The following SLC35F4 variants were observed in gnomAD, a reference collection of about 807,000 sequenced individuals.
SLC35F4 encodes the protein solute carrier family 35 member F4.
Under a neutral mutation model 44.2 loss-of-function variants are expected in SLC35F4, and 24 were observed. The ratio of observed to expected loss-of-function variants is 0.54; its 90% CI spans 0.39 to 0.76. SLC35F4 has a LOEUF of 0.76. Among genes scored for constraint, SLC35F4 ranks in the 30% least tolerant of loss-of-function variants. The probability of loss-of-function intolerance (pLI) is 0.00; values close to 1 mark genes in which losing one functional copy is unlikely to be tolerated. For missense variants in SLC35F4, 562 were observed against 586.1 expected (o/e 0.96, Z 0.42); for synonymous variants, 238 against 223.6 (o/e 1.06, Z -0.57).
At chr14:57,788,099 C>T (rs2077814179) in intron 1 of SLC35F4, among the ~76,000 whole-genome samples, 1 of 152,012 alleles carries the variant, frequency 6.6e-6, no homozygotes, top group South Asian at 2.1e-4. Context: ...CAAATGGACA[C>T]CAAAACAAGC....
rs548259703 is a variant in SLC35F4 at position 57,685,094 on chromosome 14, A to AT, written c.104-90971dup. 6.2e-3 allele frequency among the ~76,000 whole-genome samples: 949 copies of AT among 152,258 alleles called. 9 individuals are homozygous for AT. The highest frequency in any genetic ancestry group is 0.011 in the Non-Finnish European group (749 of 68,026). On this transcript the variant is annotated intron_variant, in intron 1 of 7. Coordinates refer to ENST00000556826, the MANE Select transcript of SLC35F4 (RefSeq NM_001306087.2). ...AGTATATAAATATAAATAAATCTATATTTTTTATCAATGCCAGAAGAAGCA... is the reference window on the plus strand; with the variant it reads ...AGTATATAAATATAAATAAATCTATATTTTTTTATCAATGCCAGAAGAAGCA...
chr14:57,959,548 T>C (rs1890304281), intron 1 of SLC35F4, among the ~76,000 whole-genome samples: 1 of 152,170 alleles, frequency 6.6e-6, no homozygotes, highest in South Asian at 2.1e-4. Context: ...CTAAAATGCA[T>C]GGCTGAATTC....
At chr14:57,793,123 C>T (rs894641346) in intron 1 of SLC35F4, among the ~76,000 whole-genome samples, 1 of 152,054 alleles carries the variant, frequency 6.6e-6, no homozygotes. Flanking sequence ...ACAAAACTTA[C>T]CAAATCCTGA....
intron 1 of SLC35F4, among the ~76,000 whole-genome samples, chr14:57,955,244 C>G (rs775221708): frequency 6.6e-6 from 1 of 152,100 alleles, no homozygotes; most frequent in Non-Finnish European, 1.5e-5. Flanking sequence ...ATTCAACACC[C>G]CTTCATGCTA....
rs138315030 is a variant in SLC35F4, at chr14:57,821,610, G to A, written c.103+44113C>T. 4.9e-4 allele frequency among the ~76,000 whole-genome samples: 75 copies of A among 152,338 alleles called. 1 individual carries two copies. The highest frequency in any genetic ancestry group is 8.4e-4 in the Non-Finnish European group (57 of 68,038). ...TTGTCCATTCAAGTAAAGTTTATCC[G>A]TGGACAACCATGAGCACCTCAAGTA... On this transcript the variant is annotated intron_variant, in intron 1 of 7. Coordinates refer to ENST00000556826, the MANE Select transcript of SLC35F4 (RefSeq NM_001306087.2).
intron 1 of SLC35F4, among the ~76,000 whole-genome samples, chr14:57,791,246 T>A (rs2140804494): frequency 1.3e-5 from 2 of 152,134 alleles, no homozygotes; most frequent in Admixed American, 1.3e-4. Flanking sequence ...CTGACAAAGG[T>A]CTAATATCCA....
chr14:57,795,021 C>T (rs2078021931), intron 1 of SLC35F4, among the ~76,000 whole-genome samples: 1 of 152,084 alleles, frequency 6.6e-6, no homozygotes. Flanking sequence ...TCTCTGGAAG[C>T]CAAATTTTCC....
At chr14:57,677,405 G>GA (rs956064881) in intron 1 of SLC35F4, among the ~76,000 whole-genome samples, 32 of 122,518 alleles carry the variant, frequency 2.6e-4, no homozygotes, top group South Asian at 1.1e-3. Flanking sequence ...CAAAACTATT[G>GA]AAAAAAAAAT....
intron 1 of SLC35F4, among the ~76,000 whole-genome samples, chr14:57,918,026 T>A (rs1255494493): frequency 6.6e-6 from 1 of 152,158 alleles, no homozygotes; most frequent in African/African-American, 2.4e-5. Context: ...TGTTTTTCTT[T>A]CCCCAGCAAG....
intron 1 of SLC35F4, among the ~76,000 whole-genome samples, chr14:57,632,369 C>T (rs2072821923): frequency 6.6e-6 from 1 of 151,014 alleles, no homozygotes; most frequent in Non-Finnish European, 1.5e-5. Context: ...ATAATAAAAA[C>T]AAAATGAAGG....
chr14:57,921,635 G>T (rs1001201853), intron 1 of SLC35F4, among the ~76,000 whole-genome samples: 2 of 152,124 alleles, frequency 1.3e-5, no homozygotes, highest in African/African-American at 2.4e-5. Flanking sequence ...GAGAGCTGAG[G>T]GAAGCATCTG....
At chr14:57,591,042 C>T (rs1304267319) in intron 2 of SLC35F4, among the ~76,000 whole-genome samples, 1 of 152,236 alleles carries the variant, frequency 6.6e-6, no homozygotes, top group African/African-American at 2.4e-5. Context: ...CACTACATGA[C>T]TTGTAAATCT....
chr14:57,645,671 T>G (rs1260858702), intron 1 of SLC35F4, among the ~76,000 whole-genome samples: 1 of 150,898 alleles, frequency 6.6e-6, no homozygotes, highest in South Asian at 2.1e-4. Context: ...TGAATAGGAG[T>G]GGTGAGAGAG....
intron 1 of SLC35F4, among the ~76,000 whole-genome samples, chr14:57,890,295 C>A (rs1337366244): frequency 6.6e-6 from 1 of 152,198 alleles, no homozygotes; most frequent in Non-Finnish European, 1.5e-5. Flanking sequence ...CCTGCCAAAT[C>A]TAGCTGAAGT....
chr14:57,906,687 A>T (rs1889108972), intron 1 of SLC35F4, among the ~76,000 whole-genome samples: 1 of 152,226 alleles, frequency 6.6e-6, no homozygotes, highest in Non-Finnish European at 1.5e-5. Context: ...GGTATCTTAC[A>T]TTGGATATCT....
At chr14:57,835,642 G>A (rs1192118810) in intron 1 of SLC35F4, among the ~76,000 whole-genome samples, 1 of 152,200 alleles carries the variant, frequency 6.6e-6, no homozygotes, top group Non-Finnish European at 1.5e-5. Flanking sequence ...GGCTGGAGAG[G>A]AATGACCCCT....
chr14:57,749,792 G>A (rs932578913), intron 1 of SLC35F4, among the ~76,000 whole-genome samples: 1 of 152,088 alleles, frequency 6.6e-6, no homozygotes, highest in Admixed American at 6.6e-5. Flanking sequence ...TTCATAGAGA[G>A]TGGGCATGTA....
At chr14:57,737,098 T>TTGTGTGTGTGTGTG (rs5808938) in intron 1 of SLC35F4, among the ~76,000 whole-genome samples, 3 of 148,766 alleles carry the variant, frequency 2.0e-5, no homozygotes, top group African/African-American at 7.4e-5. Context: ...CTTTCTATCT[T>TTGTGTGTGTGTGTG]TGTGTGTGTG....
At chr14:57,784,023 G>A (rs1196038906) in intron 1 of SLC35F4, among the ~76,000 whole-genome samples, 1 of 152,154 alleles carries the variant, frequency 6.6e-6, no homozygotes, top group Non-Finnish European at 1.5e-5. Context: ...CTGATGTTTT[G>A]TATGACTTCA....
Sources: allele counts gnomAD v4.1 joint callset (sites outside exome capture counted in the v4.1 genomes callset), GRCh38; gene constraint gnomAD v4.1.1; transcripts MANE v1.5; gene names NCBI Gene and HGNC (gene_info 2026-07-23, HGNC 2026-07-21).